The following GRID2 variants were observed in gnomAD, a reference collection of about 807,000 sequenced individuals.
GRID2 encodes the protein glutamate ionotropic receptor delta type subunit 2.
Under a neutral mutation model 114.8 loss-of-function variants are expected in GRID2, and 33 were observed. The ratio of observed to expected loss-of-function variants is 0.29; its 90% CI spans 0.22 to 0.38. The LOEUF (loss-of-function observed/expected upper bound fraction) is 0.38, where lower values mean the gene tolerates loss of function less well. Among genes scored for constraint, GRID2 ranks in the 10% least tolerant of loss-of-function variants. The probability of loss-of-function intolerance (pLI) is 1.00; values close to 1 mark genes in which losing one functional copy is unlikely to be tolerated. For synonymous variants in GRID2, 505 were observed against 449.9 expected, an observed-to-expected ratio of 1.12 and a Z score of -1.55; for missense variants, 1,184 against 1,257.7, an observed-to-expected ratio of 0.94 and a Z score of 0.89.
At chr4:92,748,638 T>A (rs1737276409) in intron 2 of GRID2, among the ~76,000 whole-genome samples, 1 of 116,420 alleles carries the variant, frequency 8.6e-6, no homozygotes, top group Non-Finnish European at 1.8e-5. Context: ...AATTGTATTA[T>A]TATTATTATT....
chr4:93,787,489 TC>T (rs1276521368), intron 1 of GRID2, among the ~76,000 whole-genome samples: 1 of 152,062 alleles, frequency 6.6e-6, no homozygotes, highest in African/African-American at 2.4e-5. Flanking sequence ...GGATATGAGG[TC>T]CACTCTAACC....
At position 93,085,049 on chromosome 4, in the gene GRID2, C is replaced by G. The variant is rs200490934; in HGVS notation, c.299C>G (p.Thr100Arg). 43 of 1,613,894 alleles carry G rather than the reference C, an allele frequency of 2.7e-5. No individual in the cohort carries two copies. Among genetic ancestry groups the G allele is most frequent in the Admixed American group, 6.7e-5 (4 of 59,994 alleles). The change falls in exon 3 of 16, where the codon ACG (threonine) becomes AGG (arginine). Residue 100 changes from threonine to arginine, a missense_variant. This residue lies in a region of GRID2 where 455 missense variants were observed against 429.5 expected (regional missense o/e 1.06). Transcript: ENST00000282020. Reference protein sequence around the residue: ...ILALVSSIGCTSAGSLQSLAD... With the variant: ...ILALVSSIGCRSAGSLQSLAD... ...GCCCTGGTCAGCTCCATTGGCTGCA[C>G]GTCAGCAGGATCCCTCCAGTCTTTG...
chr4:93,460,089 G>A (rs1580147629), intron 11 of GRID2, among the ~76,000 whole-genome samples: 1 of 152,102 alleles, frequency 6.6e-6, no homozygotes, highest in East Asian at 1.9e-4. Context: ...GTTGTCTCCT[G>A]CAAATATACG....
At position 93,383,528 on chromosome 4, in the gene GRID2, AT is replaced by A. The variant is rs1406972223; in HGVS notation, c.1246-12077del. Among the ~76,000 whole-genome samples, 3 of 152,134 alleles carry A rather than the reference AT, an allele frequency of 2.0e-5. No individual in the cohort carries two copies. The South Asian group carries it at 6.2e-4, about 31-fold the overall frequency. The stretch of plus-strand genomic sequence containing the variant: ...ACTCCAGAATATTTATATCAGATAG[AT>A]TCTGCCAGTGCAGTTGTTGCCTACA... On this transcript the variant is annotated intron_variant, in intron 8 of 15. Coordinates refer to ENST00000282020, the MANE Select transcript of GRID2 (RefSeq NM_001510.4).
chr4:92,384,144 G>GGTGT (rs1335458167), intron 1 of GRID2, among the ~76,000 whole-genome samples: 56 of 148,714 alleles, frequency 3.8e-4, no homozygotes, highest in African/African-American at 1.4e-3. Context: ...TGTATGTGTG[G>GGTGT]GTGTGTGTGT....
intron 13 of GRID2, among the ~76,000 whole-genome samples, chr4:93,608,825 C>G (rs960683358): frequency 7.4e-6 from 1 of 135,050 alleles, no homozygotes; most frequent in Non-Finnish European, 1.6e-5. Flanking sequence ...GGGTATATAC[C>G]CAGTAATGGG....
chr4:93,672,484 T>C (rs1724515390), intron 14 of GRID2, among the ~76,000 whole-genome samples: 1 of 152,238 alleles, frequency 6.6e-6, no homozygotes. Context: ...AATTTGATAG[T>C]TTGACTTAAA....
At chr4:92,659,060 T>G (rs1293823033) in intron 2 of GRID2, among the ~76,000 whole-genome samples, 2 of 133,772 alleles carry the variant, frequency 1.5e-5, no homozygotes, top group Admixed American at 1.5e-4. Context: ...CCCCAATAGA[T>G]TACAATGTCA....
intron 1 of GRID2, among the ~76,000 whole-genome samples, chr4:92,489,382 C>T (rs1723043724): frequency 6.6e-6 from 1 of 152,078 alleles, no homozygotes; most frequent in African/African-American, 2.4e-5. Context: ...AGACACACAT[C>T]TCATTGAAAT....
At chr4:92,639,950 T>C (rs1731263858) in intron 2 of GRID2, among the ~76,000 whole-genome samples, 1 of 151,766 alleles carries the variant, frequency 6.6e-6, no homozygotes, top group African/African-American at 2.4e-5. Context: ...TATGTAAAAT[T>C]GAGGCCTTCT....
At chr4:93,523,052 A>G (rs1210813267) in intron 13 of GRID2, among the ~76,000 whole-genome samples, 1 of 152,106 alleles carries the variant, frequency 6.6e-6, no homozygotes, top group African/African-American at 2.4e-5. Context: ...AGTGGCAGGT[A>G]GTAAAGTCTG....
chr4:93,101,418 A>C (rs1021837200), intron 3 of GRID2, among the ~76,000 whole-genome samples: 1 of 151,480 alleles, frequency 6.6e-6, no homozygotes, highest in African/African-American at 2.4e-5. Flanking sequence ...CATTCCCTTA[A>C]CCCCTCTACC....
intron 7 of GRID2, among the ~76,000 whole-genome samples, chr4:93,228,213 T>C (rs1479814554): frequency 2.6e-5 from 4 of 152,148 alleles, no homozygotes; most frequent in Non-Finnish European, 4.4e-5. Context: ...TGGCACACAG[T>C]TCTGGAACTG....
rs115631985 is a variant in GRID2 at position 92,788,953 on chromosome 4, C to G, written c.244+198667C>G. On this transcript the variant is annotated intron_variant, in intron 2 of 15. Transcript: ENST00000282020. ...AGGAACAGAATTCTTCTTCCTATAA[C>G]ACATTCTTTGACCATTCTTAATTTA... Among the ~76,000 whole-genome samples the G allele has an allele frequency of 9.7e-3, 1,467 of 151,846 alleles. 23 individuals carry two copies. The highest frequency in any genetic ancestry group is 0.033 in the African/African-American group (1,360 of 41,486).
chr4:93,192,203 G>A (rs748153354), intron 4 of GRID2, among the ~76,000 whole-genome samples: 2 of 152,124 alleles, frequency 1.3e-5, no homozygotes, highest in Non-Finnish European at 2.9e-5. Flanking sequence ...GGGGCAACCA[G>A]CAACTGAAAT....
intron 14 of GRID2, among the ~76,000 whole-genome samples, chr4:93,738,487 C>T (rs181752992): frequency 4.2e-4 from 64 of 151,942 alleles, no homozygotes; most frequent in African/African-American, 6.8e-4. Flanking sequence ...GCTGTGGAGG[C>T]GCAACAAGAG....
chr4:93,241,440 A>G (rs1404278484), intron 8 of GRID2, among the ~76,000 whole-genome samples: 1 of 151,752 alleles, frequency 6.6e-6, no homozygotes, highest in Admixed American at 6.6e-5. Context: ...ATATATTTAT[A>G]ACTAACTTAG....
chr4:92,635,250 T>C (rs1279826951), intron 2 of GRID2, among the ~76,000 whole-genome samples: 1 of 152,050 alleles, frequency 6.6e-6, no homozygotes, highest in Non-Finnish European at 1.5e-5. Context: ...ATTTCGGCTG[T>C]TGTTTTTAAA....
chr4:92,772,977 A>G (rs1422580340), intron 2 of GRID2, among the ~76,000 whole-genome samples: 1 of 152,194 alleles, frequency 6.6e-6, no homozygotes, highest in Admixed American at 6.5e-5. Flanking sequence ...ATGCTCTGTC[A>G]AGTCATTCTA....
Sources: gnomAD v4.1 joint callset for allele counts (sites outside exome capture counted in the v4.1 genomes callset) on GRCh38, gnomAD v4.1.1 for gene constraint, gnomAD v4.1.1 regional missense constraint, MANE v1.5 for transcripts, NCBI Gene and HGNC (gene_info 2026-07-23, HGNC 2026-07-21) for gene names.